The following RGS10 variants were observed in gnomAD, a reference collection of about 807,000 sequenced individuals.
The protein encoded by RGS10 is regulator of G protein signaling 10.
Under a neutral mutation model 23.5 loss-of-function variants are expected in RGS10, and 11 were observed. The observed-to-expected ratio is 0.47, with a 90% CI of 0.29 to 0.77. RGS10 has a LOEUF of 0.77. Ranked by LOEUF, RGS10 falls within the 30% of genes least tolerant of loss-of-function variation. RGS10 has a pLI of 0.08. For synonymous variants in RGS10, 77 were observed against 83.2 expected (o/e 0.92, Z 0.41); for missense variants, 180 against 226.3 (o/e 0.80, Z 1.31).
intron 2 of RGS10, among the ~76,000 whole-genome samples, chr10:119,526,909 C>T (rs774990164): frequency 6.0e-4 from 91 of 152,126 alleles, no homozygotes; most frequent in Admixed American, 1.9e-3. Context: ...GCCAAGTTCT[C>T]ATTGCCAGCC....
At chr10:119,537,971 T>C (rs1844404749) in intron 1 of RGS10, among the ~76,000 whole-genome samples, 1 of 152,224 alleles carries the variant, frequency 6.6e-6, no homozygotes, top group African/African-American at 2.4e-5. Flanking sequence ...CGACAACCTC[T>C]ACAAGATTCT....
In RGS10 at chr10:119,527,219, A is replaced by G; in HGVS notation, c.168+87T>C. ...ATAGAGAGTGCTACGCTGACAGACAATGTTGAACTGGCCTATTTCTCCCCT... is the reference window on the plus strand; with the variant it reads ...ATAGAGAGTGCTACGCTGACAGACAGTGTTGAACTGGCCTATTTCTCCCCT... On this transcript the variant is annotated intron_variant, in intron 2 of 4. Coordinates refer to ENST00000369103, the MANE Select transcript of RGS10 (RefSeq NM_001005339.2). The surrounding 1 kb of genome is among the most constrained non-coding windows in gnomAD (Gnocchi z 4.2). The G allele has an allele frequency of 1.1e-6, 1 of 899,466 alleles. No homozygotes were observed. The highest frequency in any genetic ancestry group is 1.5e-5 in the South Asian group (1 of 64,948). 55.7% of individuals were successfully genotyped at this position (899,466 alleles called of 1,614,324 possible).
rs537933686 is a variant in RGS10, at chr10:119,524,864, G to A, written c.255+1168C>T. 1.3e-5 allele frequency among the ~76,000 whole-genome samples: 2 copies of A among 152,160 alleles called. No homozygotes were observed. The highest frequency in any genetic ancestry group is 2.4e-5 in the African/African-American group (1 of 41,430). On this transcript the variant is annotated intron_variant, in intron 3 of 4. Transcript: ENST00000369103. The surrounding 1 kb of genome is among the most constrained non-coding windows in gnomAD (Gnocchi z 5.2). Reference sequence around the variant, plus strand: ...AGGAAGGTGGTGGAGAAAAGGCCGCGCTGCGCCATCCAGGAGGATGGGTGT... The same window carrying A: ...AGGAAGGTGGTGGAGAAAAGGCCGCACTGCGCCATCCAGGAGGATGGGTGT...
At chr10:119,506,304 C>T (rs1056377957) in intron 4 of RGS10, among the ~76,000 whole-genome samples, 2 of 152,216 alleles carry the variant, frequency 1.3e-5, no homozygotes, top group Non-Finnish European at 2.9e-5. Context: ...CGAAGCAGCT[C>T]AAGTCAGCCC....
intron 1 of RGS10, among the ~76,000 whole-genome samples, chr10:119,529,013 A>G (rs1331209783): frequency 1.3e-5 from 2 of 152,156 alleles, no homozygotes; most frequent in African/African-American, 4.8e-5. Context: ...TCCTGGGAGG[A>G]ACAGGGAATC....
At position 119,520,973 on chromosome 10, in the gene RGS10, C is replaced by A. The variant is rs1319249515; in HGVS notation, c.255+5059G>T. Among the ~76,000 whole-genome samples, 6 of 152,088 alleles carry A rather than the reference C, an allele frequency of 3.9e-5. No homozygotes were observed. The East Asian group carries it at 1.2e-3, about 29-fold the overall frequency. ...AACAACATAAGACCATTTCCCAGAACTACAAATTTCCAGATTATATGGCTC... is the reference window on the plus strand; with the variant it reads ...AACAACATAAGACCATTTCCCAGAAATACAAATTTCCAGATTATATGGCTC... On this transcript the variant is annotated intron_variant, in intron 3 of 4. Transcript: ENST00000369103.
chr10:119,500,468 T>C (rs1015008467), intron 4 of RGS10, among the ~76,000 whole-genome samples: 2 of 152,080 alleles, frequency 1.3e-5, no homozygotes, highest in African/African-American at 2.4e-5. Context: ...ATGGAATATA[T>C]AGACAGTCAC....
At chr10:119,503,146 G>A (rs111579877) in intron 4 of RGS10, among the ~76,000 whole-genome samples, 293 of 152,198 alleles carry the variant, frequency 1.9e-3, no homozygotes, top group Admixed American at 6.1e-3. Context: ...GGGAGGCTGA[G>A]GCGGGCGGAT....
intron 1 of RGS10, among the ~76,000 whole-genome samples, chr10:119,530,172 A>G (rs1194729722): frequency 6.6e-6 from 1 of 152,206 alleles, no homozygotes; most frequent in African/African-American, 2.4e-5. Flanking sequence ...CATAAATATT[A>G]ATTGCTGCAA....
intron 4 of RGS10, among the ~76,000 whole-genome samples, chr10:119,500,649 C>G (rs933944384): frequency 2.3e-4 from 35 of 151,226 alleles, no homozygotes; most frequent in Admixed American, 2.3e-3. Flanking sequence ...TCTGTAGAGA[C>G]AGTGGTGTTA....
In RGS10 at chr10:119,517,671, C is replaced by T. The variant is rs772280306; in HGVS notation, c.256-2019G>A. Among the ~76,000 whole-genome samples the T allele has an allele frequency of 1.6e-4, 24 of 152,204 alleles. No individual in the cohort carries two copies. The highest frequency in any genetic ancestry group is 8.3e-4 in the South Asian group (4 of 4,832). On this transcript the variant is annotated intron_variant, in intron 3 of 4. Coordinates refer to ENST00000369103, the MANE Select transcript of RGS10 (RefSeq NM_001005339.2). This position sits in a 1 kb window ranked among gnomAD's most constrained non-coding sequence, Gnocchi z 5.0. Reference sequence around the variant, plus strand: ...TCCCCTCCTCCCCTTGACATTCACACGCACACACACACGCACACACGTGCA... The same window carrying T: ...TCCCCTCCTCCCCTTGACATTCACATGCACACACACACGCACACACGTGCA...
At chr10:119,523,155 G>C (rs997424273) in intron 3 of RGS10, among the ~76,000 whole-genome samples, 3 of 151,902 alleles carry the variant, frequency 2.0e-5, no homozygotes, top group African/African-American at 7.3e-5. Flanking sequence ...GCCCAGCCTC[G>C]GGCGAGCTGC....
intron 4 of RGS10, among the ~76,000 whole-genome samples, chr10:119,509,311 G>A (rs560428927): frequency 2.6e-4 from 40 of 152,182 alleles, no homozygotes; most frequent in African/African-American, 7.2e-4. Flanking sequence ...AAAGAAGGCC[G>A]GGCACAGTGG....
At chr10:119,528,321 G>T (rs190587162) in intron 1 of RGS10, among the ~76,000 whole-genome samples, 156 of 151,844 alleles carry the variant, frequency 1.0e-3, no homozygotes, top group Non-Finnish European at 1.9e-3. Flanking sequence ...ATGAGCCACC[G>T]CGCCCAGTTC....
At chr10:119,503,862 G>A (rs957557061) in intron 4 of RGS10, among the ~76,000 whole-genome samples, 2 of 152,164 alleles carry the variant, frequency 1.3e-5, no homozygotes, top group African/African-American at 2.4e-5. Flanking sequence ...CAATGTCCTT[G>A]TTTAATGTTA....
intron 3 of RGS10, among the ~76,000 whole-genome samples, chr10:119,519,537 C>CTG (rs1408961835): frequency 7.8e-6 from 1 of 128,176 alleles, no homozygotes; most frequent in Non-Finnish European, 1.7e-5. Flanking sequence ...TCCTGTCTCC[C>CTG]TGTCTGTCCC....
intron 1 of RGS10, among the ~76,000 whole-genome samples, chr10:119,534,208 A>C (rs1031082894): frequency 2.6e-5 from 4 of 151,334 alleles, no homozygotes; most frequent in African/African-American, 7.3e-5. Flanking sequence ...GTGAGCTGAG[A>C]TCATACCACT....
rs79671027 is a variant in RGS10 at position 119,525,616 on chromosome 10, C to T, written c.255+416G>A. 1.9e-3 allele frequency among the ~76,000 whole-genome samples: 287 copies of T among 152,326 alleles called. 2 individuals carry two copies. The East Asian group carries it at 0.019, about 10-fold the overall frequency. On this transcript the variant is annotated intron_variant, in intron 3 of 4. Transcript: ENST00000369103. Reference sequence around the variant, plus strand: ...TGCAGGATGCTCGCCAACTATGGGACGCTCAGTACGATACACTGAATAATT... The same window carrying T: ...TGCAGGATGCTCGCCAACTATGGGATGCTCAGTACGATACACTGAATAATT...
chr10:119,500,000 A>C lies in RGS10; in HGVS notation c.*113T>G. The stretch of plus-strand genomic sequence containing the variant: ...GTTAATAAAACACACATCCCATTGA[A>C]GGGTTTTGTACATTTCAGTCCTTAC... On this transcript the variant is annotated 3_prime_UTR_variant, in exon 5 of 5. Coordinates refer to ENST00000369103, the MANE Select transcript of RGS10 (RefSeq NM_001005339.2). 2 of 1,059,878 alleles carry C rather than the reference A, an allele frequency of 1.9e-6. No individual in the cohort carries two copies. Among genetic ancestry groups the C allele is most frequent in the Non-Finnish European group, 2.7e-6 (2 of 745,716 alleles). 65.7% of individuals were successfully genotyped at this position (1,059,878 alleles called of 1,614,324 possible). A position where few individuals can be genotyped will look rare whatever the true frequency, so the allele number is the denominator to read the frequency against.
Sources: gnomAD v4.1 joint callset for allele counts (sites outside exome capture counted in the v4.1 genomes callset) on GRCh38, gnomAD v4.1.1 for gene constraint, Gnocchi (gnomAD v3.1) non-coding constraint, MANE v1.5 for transcripts, NCBI Gene and HGNC (gene_info 2026-07-23, HGNC 2026-07-21) for gene names.